Variants in ADAMTSL1 observed in about 807,000 individuals in gnomAD.
ADAMTSL1 encodes ADAMTS like 1.
In ADAMTSL1, 126 loss-of-function variants were observed where a neutral mutation model predicts 201.8. That is an observed-to-expected ratio of 0.62 (90% CI 0.54 to 0.72). The LOEUF (loss-of-function observed/expected upper bound fraction) is 0.72, where lower values mean the gene tolerates loss of function less well. ADAMTSL1 is among the 30% of genes least tolerant of loss of function. ADAMTSL1 has a pLI of 0.00. For synonymous variants in ADAMTSL1, 1,121 were observed against 903.4 expected, an observed-to-expected ratio of 1.24 and a Z score of -4.32; for missense variants, 2,679 against 2,277.8, an observed-to-expected ratio of 1.18 and a Z score of -3.59.
At chr9:18,264,098 G>T (rs1275645435) in intron 2 of ADAMTSL1, among the ~76,000 whole-genome samples, 1 of 152,094 alleles carries the variant, frequency 6.6e-6, no homozygotes, top group East Asian at 1.9e-4. Context: ...CCTGTCTGCT[G>T]TGTCTCCATT....
intron 2 of ADAMTSL1, among the ~76,000 whole-genome samples, chr9:18,516,900 T>G (rs141261927): frequency 1.1e-3 from 162 of 152,108 alleles, no homozygotes; most frequent in African/African-American, 3.7e-3. Flanking sequence ...TAAAGAAAAA[T>G]GTTGTGACTC....
chr9:18,234,743 A>C (rs1340593546), intron 2 of ADAMTSL1, among the ~76,000 whole-genome samples: 11 of 152,356 alleles, frequency 7.2e-5, no homozygotes, highest in Middle Eastern at 3.4e-3. Context: ...CATTTGGTAC[A>C]GTAAATTATA....
At chr9:18,027,592 T>A (rs1232216165) in intron 1 of ADAMTSL1, among the ~76,000 whole-genome samples, 5 of 152,202 alleles carry the variant, frequency 3.3e-5, no homozygotes, top group African/African-American at 1.2e-4. Flanking sequence ...TTGGTATGAC[T>A]TAAATTTTAT....
chr9:18,108,293 A>G (rs961306650), intron 1 of ADAMTSL1, among the ~76,000 whole-genome samples: 3 of 147,728 alleles, frequency 2.0e-5, no homozygotes, highest in Non-Finnish European at 3.0e-5. Flanking sequence ...CCCAACCTCC[A>G]GGCTCAAGCC....
intron 14 of ADAMTSL1, among the ~76,000 whole-genome samples, chr9:18,716,008 T>C (rs1587967954): frequency 6.6e-6 from 1 of 150,812 alleles, no homozygotes; most frequent in Admixed American, 6.6e-5. Context: ...ATTTAATAAA[T>C]GGTGCTGGGA....
At chr9:18,775,641 T>G in intron 17 of ADAMTSL1, 102 bp from the exon 18 acceptor site, 1 of 1,449,686 alleles carries the variant, frequency 6.9e-7, no homozygotes, top group Non-Finnish European at 9.4e-7. Flanking sequence ...TTATTGCTTT[T>G]CCAAGCAAAT....
At chr9:18,694,037 G>A (rs187963731) in intron 13 of ADAMTSL1, among the ~76,000 whole-genome samples, 36 of 152,196 alleles carry the variant, frequency 2.4e-4, no homozygotes, top group African/African-American at 7.7e-4. Context: ...AGAAGGGGAA[G>A]CAGGCACATC....
At chr9:18,875,730 T>C (rs1588286869) in intron 23 of ADAMTSL1, among the ~76,000 whole-genome samples, 1 of 152,342 alleles carries the variant, frequency 6.6e-6, no homozygotes, top group East Asian at 1.9e-4. Flanking sequence ...TCTGCAGTTG[T>C]TGGGTAGAAT....
chr9:18,742,196 AC>A (rs1240223703), intron 15 of ADAMTSL1, among the ~76,000 whole-genome samples: 2 of 152,222 alleles, frequency 1.3e-5, no homozygotes, highest in Non-Finnish European at 2.9e-5. Context: ...ATTCTGAGGT[AC>A]TAGGAATTAA....
intron 2 of ADAMTSL1, among the ~76,000 whole-genome samples, chr9:18,376,736 G>A (rs1345129555): frequency 6.6e-6 from 1 of 152,062 alleles, no homozygotes; most frequent in East Asian, 1.9e-4. Flanking sequence ...AACCCAGGAG[G>A]CAGAGGTTGC....
intron 16 of ADAMTSL1, among the ~76,000 whole-genome samples, chr9:18,757,690 A>G (rs909574229): frequency 6.6e-6 from 1 of 152,084 alleles, no homozygotes; most frequent in African/African-American, 2.4e-5. Context: ...CTGAAGCCAC[A>G]TGGTGTTCAG....
chr9:18,826,317 A>T lies in ADAMTSL1; in HGVS notation c.3968A>T (p.Asn1323Ile). 6.2e-7 allele frequency: 1 copy of T among 1,613,102 alleles called. No homozygotes were observed. Among genetic ancestry groups the T allele is most frequent in the South Asian group, 1.1e-5 (1 of 90,936 alleles). ...VPEAEVTWFR[N>I]KSKLGSPHHL... ...GAAGCTGAAGTCACTTGGTTCAGGA[A>T]TAAAAGCAAACTGGGCTCCCCGCAC... Residue 1323 changes from asparagine to isoleucine, a missense_variant, in exon 22 of 29, where the codon AAT becomes ATT. Transcript: ENST00000380548.
At chr9:18,903,711 G>C (rs1350763798) in intron 26 of ADAMTSL1, among the ~76,000 whole-genome samples, 2 of 98,916 alleles carry the variant, frequency 2.0e-5, no homozygotes, top group Non-Finnish European at 4.2e-5. Flanking sequence ...GGTATCCACA[G>C]GTGATTGATT....
chr9:18,342,850 A>T (rs927806410), intron 2 of ADAMTSL1, among the ~76,000 whole-genome samples: 1 of 152,172 alleles, frequency 6.6e-6, no homozygotes, highest in Non-Finnish European at 1.5e-5. Context: ...GAAAGATTTC[A>T]TCTGAAACTT....
intron 1 of ADAMTSL1, among the ~76,000 whole-genome samples, chr9:18,144,786 T>C (rs1826557402): frequency 6.6e-6 from 1 of 152,160 alleles, no homozygotes; most frequent in Non-Finnish European, 1.5e-5. Context: ...GAGGGGTCCA[T>C]GTACTCCAGT....
intron 2 of ADAMTSL1, among the ~76,000 whole-genome samples, chr9:18,388,114 A>G (rs964732118): frequency 2.6e-5 from 4 of 151,958 alleles, no homozygotes; most frequent in Non-Finnish European, 5.9e-5. Context: ...TAGTTTTTAA[A>G]TCCTATATTT....
At chr9:18,017,053 T>A (rs560264657) in intron 1 of ADAMTSL1, among the ~76,000 whole-genome samples, 1 of 152,192 alleles carries the variant, frequency 6.6e-6, no homozygotes, top group African/African-American at 2.4e-5. Context: ...AGCACAGGCA[T>A]GGACTCAAAC....
chr9:18,292,831 C>T (rs11792443), intron 2 of ADAMTSL1, among the ~76,000 whole-genome samples: 6,422 of 152,266 alleles, frequency 0.042, 191 homozygotes, highest in Non-Finnish European at 0.063. Context: ...CCACCACTAG[C>T]TTCCTTGTTC....
rs192530994 is a variant in ADAMTSL1 at position 18,414,515 on chromosome 9, C to T, written c.208-90314C>T. On this transcript the variant is annotated intron_variant, in intron 2 of 29. Coordinates refer to the ADAMTSL1 transcript ENST00000680146. ...AAAAAACAAACAAAAATGTGTGAAA[C>T]AATGGTTTTTAAGAAACCGGATGTC... Among the ~76,000 whole-genome samples the T allele has an allele frequency of 2.9e-3, 443 of 152,172 alleles. 1 individual carries two copies. The highest frequency in any genetic ancestry group is 1.0e-2 in the African/African-American group (415 of 41,540).
Sources: gnomAD v4.1 joint callset for allele counts (sites outside exome capture counted in the v4.1 genomes callset) on GRCh38, gnomAD v4.1.1 for gene constraint, MANE v1.5 for transcripts, NCBI Gene and HGNC (gene_info 2026-07-23, HGNC 2026-07-21) for gene names.